Variants in PCDHA8 observed in about 807,000 individuals in gnomAD.
PCDHA8 encodes the protein protocadherin alpha 8, also known as protocadherin alpha-8.
PCDHA8 carries 53 observed loss-of-function variants against 61.8 expected under a neutral mutation model. The observed-to-expected ratio is 0.86, with a 90% CI of 0.69 to 1.08. The LOEUF is 1.08. Among genes scored for constraint, PCDHA8 ranks in the 50% least tolerant of loss-of-function variants. The probability of loss-of-function intolerance (pLI) is 0.00; values close to 1 mark genes in which losing one functional copy is unlikely to be tolerated. For missense variants in PCDHA8, 1,293 were observed against 1,245.0 expected, an observed-to-expected ratio of 1.04 and a Z score of -0.58; for synonymous variants, 618 against 556.6, an observed-to-expected ratio of 1.11 and a Z score of -1.55.
chr5:140,851,376 G>A, intron 1 of PCDHA8: 1 of 976,392 alleles, frequency 1.0e-6, no homozygotes, highest in Non-Finnish European at 1.2e-6. Flanking sequence ...TGATTGTTCA[G>A]CAACCTTCAG....
At chr5:140,883,759 G>C (rs1554179777) in intron 1 of PCDHA8, 1 of 1,612,822 alleles carries the variant, frequency 6.2e-7, no homozygotes, top group Non-Finnish European at 8.5e-7. Context: ...TGGTGGAGCG[G>C]CGGGTGGGCG....
rs183321184 is a variant in PCDHA8 at position 140,907,756 on chromosome 5, C to G, written c.2394+64041C>G. 7.8e-3 allele frequency among the ~76,000 whole-genome samples: 1,193 copies of G among 152,264 alleles called. 22 individuals carry two copies. The highest frequency in any genetic ancestry group is 0.027 in the African/African-American group (1,101 of 41,546). On this transcript the variant is annotated intron_variant, in intron 1 of 3. Coordinates refer to ENST00000531613, the MANE Select transcript of PCDHA8 (RefSeq NM_018911.3). ...CCACCATGGCCACTTTGTTCATGGGCCCATTGGGTGATGACAGGGGTGGCT... is the reference window on the plus strand; with the variant it reads ...CCACCATGGCCACTTTGTTCATGGGGCCATTGGGTGATGACAGGGGTGGCT...
chr5:140,846,894 A>G (rs2150395518), intron 1 of PCDHA8, among the ~76,000 whole-genome samples: 1 of 149,832 alleles, frequency 6.7e-6, no homozygotes, highest in South Asian at 2.1e-4. Flanking sequence ...AATGACGTTG[A>G]AGTTGAAAGA....
rs537764090 is a variant in PCDHA8 at position 140,925,273 on chromosome 5, AT to A, written c.2395-53672del. Reference sequence around the variant, plus strand: ...ACTTTAATTCTTGATCTGTGTTCAGATTTTGCCTTTCAAATGTTTCATTATT... The same window carrying A: ...ACTTTAATTCTTGATCTGTGTTCAGATTTGCCTTTCAAATGTTTCATTATT... On this transcript the variant is annotated intron_variant, in intron 1 of 3. Transcript: ENST00000531613. Among the ~76,000 whole-genome samples, 1,221 of 152,228 alleles carry A rather than the reference AT, an allele frequency of 8.0e-3. 6 individuals are homozygous for A. Among genetic ancestry groups the A allele is most frequent in the African/African-American group, 0.019 (789 of 41,534 alleles).
chr5:140,971,698 A>G (rs969936167), intron 1 of PCDHA8, among the ~76,000 whole-genome samples: 16 of 151,980 alleles, frequency 1.1e-4, no homozygotes, highest in Non-Finnish European at 2.2e-4. Context: ...CTCACTAACC[A>G]CCCTGCTATA....
chr5:140,946,631 T>TATATAGATATATATATATATATATACAC (rs57893927), intron 1 of PCDHA8, among the ~76,000 whole-genome samples: 1 of 131,846 alleles, frequency 7.6e-6, no homozygotes, highest in African/African-American at 3.5e-5. Flanking sequence ...TATATATATA[T>TATATAGATATATATATATATATATACAC]ACAATGGAAT....
intron 1 of PCDHA8, chr5:140,856,946 G>T: frequency 6.3e-7 from 1 of 1,593,334 alleles, no homozygotes; most frequent in East Asian, 2.2e-5. Context: ...AAGGACGGGA[G>T]AAATAAAAGT....
At chr5:140,894,960 A>G (rs1277191439) in intron 1 of PCDHA8, among the ~76,000 whole-genome samples, 1 of 152,170 alleles carries the variant, frequency 6.6e-6, no homozygotes, top group African/African-American at 2.4e-5. Context: ...ATAAAAATAT[A>G]ATTTTTTAAT....
intron 3 of PCDHA8, among the ~76,000 whole-genome samples, chr5:141,006,952 A>G (rs2098296225): frequency 1.3e-5 from 2 of 152,212 alleles, no homozygotes; most frequent in South Asian, 4.1e-4. Flanking sequence ...ATAGGCAGTT[A>G]TACATGAGAT....
chr5:140,923,557 A>C (rs1462470621), intron 1 of PCDHA8, among the ~76,000 whole-genome samples: 1 of 152,200 alleles, frequency 6.6e-6, no homozygotes, highest in African/African-American at 2.4e-5. Context: ...AATATCAGCA[A>C]TGAAAGGTCC....
At chr5:140,973,375 C>A (rs2096584404) in intron 1 of PCDHA8, among the ~76,000 whole-genome samples, 1 of 152,182 alleles carries the variant, frequency 6.6e-6, no homozygotes, top group Admixed American at 6.5e-5. Context: ...GCACAATGGT[C>A]AGAATAGACA....
At chr5:141,009,462 A>G (rs1279658091) in intron 3 of PCDHA8, 165 bp from the exon 4 acceptor site, 2 of 954,512 alleles carry the variant, frequency 2.1e-6, no homozygotes, top group Non-Finnish European at 2.5e-6. Flanking sequence ...TAAACAAATA[A>G]ATAAATAAGT....
intron 1 of PCDHA8, among the ~76,000 whole-genome samples, chr5:140,951,551 A>T (rs246040): frequency 0.31 from 47,721 of 151,608 alleles, 7,835 homozygotes; most frequent in East Asian, 0.53. Flanking sequence ...GACGGGGGGA[A>T]GTGCTACGCA....
chr5:140,870,903 A>G lies in PCDHA8; in HGVS notation c.2394+27188A>G, dbSNP rs182770106. On this transcript the variant is annotated intron_variant, in intron 1 of 3. Transcript: ENST00000531613. ...AGGTGCGCGCAGTGGATGCGGACTC[A>G]GGCTACAACGCGTGGCTTTCATATG... The G allele has an allele frequency of 1.9e-6, 3 of 1,613,930 alleles. No individual in the cohort carries two copies. In the East Asian group the frequency reaches 6.7e-5, roughly 36 times the overall value.
chr5:140,962,852 T>G (rs2095713840), intron 1 of PCDHA8, among the ~76,000 whole-genome samples: 2 of 152,216 alleles, frequency 1.3e-5, no homozygotes, highest in Admixed American at 1.3e-4. Context: ...TAACTTGTGC[T>G]CGGTTTGTAG....
At chr5:140,871,412 C>T (rs891491030) in intron 1 of PCDHA8, 2 of 1,613,976 alleles carry the variant, frequency 1.2e-6, no homozygotes, top group Non-Finnish European at 1.7e-6. Flanking sequence ...GACCTCATGG[C>T]CTTCAGCCCC....
Position 140,843,724 on chromosome 5 carries a change from A to G in PCDHA8, c.2394+9A>G. On this transcript the variant is annotated intron_variant, in intron 1 of 3. Transcript: ENST00000531613. ...TTGATCATGGCCTCAAAGTAAGTCC[A>G]TTTAAATTTAGAACTCATAAATTCT... 1 of 1,561,476 alleles carries G rather than the reference A, an allele frequency of 6.4e-7. No individual in the cohort carries two copies. Among genetic ancestry groups the G allele is most frequent in the East Asian group, 2.2e-5 (1 of 44,602 alleles).
At chr5:140,873,454 T>C (rs1251903132) in intron 1 of PCDHA8, among the ~76,000 whole-genome samples, 1 of 152,170 alleles carries the variant, frequency 6.6e-6, no homozygotes, top group African/African-American at 2.4e-5. Context: ...CAAATTTGCA[T>C]TTTAGATAAT....
chr5:140,912,878 T>C (rs2076104558), intron 1 of PCDHA8, among the ~76,000 whole-genome samples: 1 of 152,236 alleles, frequency 6.6e-6, no homozygotes, highest in Non-Finnish European at 1.5e-5. Flanking sequence ...GTTTTTGGTC[T>C]TCATTCTGTT....
Sources: gnomAD v4.1 joint callset for allele counts (sites outside exome capture counted in the v4.1 genomes callset) on GRCh38, gnomAD v4.1.1 for gene constraint, MANE v1.5 for transcripts, NCBI Gene and HGNC (gene_info 2026-07-23, HGNC 2026-07-21) for gene names.